The following MYO18B variants were observed in gnomAD, a reference collection of about 807,000 sequenced individuals.
MYO18B encodes the protein unconventional myosin-XVIIIb.
Under a neutral mutation model 273.0 loss-of-function variants are expected in MYO18B, and 204 were observed. The ratio of observed to expected loss-of-function variants is 0.75; its 90% CI spans 0.67 to 0.84. MYO18B has a LOEUF of 0.84. Among genes scored for constraint, MYO18B ranks in the 40% least tolerant of loss-of-function variants. MYO18B has a pLI of 0.00. For missense variants in MYO18B, 3,212 were observed against 3,287.6 expected, an observed-to-expected ratio of 0.98 and a Z score of 0.56; for synonymous variants, 1,330 against 1,305.7, an observed-to-expected ratio of 1.02 and a Z score of -0.40.
chr22:25,946,728 CCTA>C (rs574497399), intron 35 of MYO18B, among the ~76,000 whole-genome samples: 104 of 152,260 alleles, frequency 6.8e-4, no homozygotes, highest in Non-Finnish European at 1.4e-3. Context: ...CTGCTGTGGT[CCTA>C]CTGTGTGCTC....
intron 25 of MYO18B, among the ~76,000 whole-genome samples, chr22:25,887,700 T>A (rs1160755861): frequency 6.6e-6 from 1 of 152,034 alleles, no homozygotes; most frequent in Non-Finnish European, 1.5e-5. Context: ...CTGTGCCCCA[T>A]GGTGTGGGAA....
At chr22:25,851,056 T>G (rs546904372) in intron 20 of MYO18B, among the ~76,000 whole-genome samples, 1 of 152,174 alleles carries the variant, frequency 6.6e-6, no homozygotes, top group African/African-American at 2.4e-5. Flanking sequence ...TAATATGTGT[T>G]AGACAAAACA....
At chr22:25,966,296 C>T (rs964851782) in intron 39 of MYO18B, among the ~76,000 whole-genome samples, 2 of 152,038 alleles carry the variant, frequency 1.3e-5, no homozygotes, top group Admixed American at 1.3e-4. Flanking sequence ...TTTTCCACTC[C>T]CAAACCCCAT....
intron 7 of MYO18B, among the ~76,000 whole-genome samples, chr22:25,776,603 AAAAAAC>A (rs551600658): frequency 0.01 from 1,544 of 152,310 alleles, 30 homozygotes; most frequent in African/African-American, 0.035. Flanking sequence ...GTCTCAAAAC[AAAAAAC>A]AAAAACAAAA....
chr22:25,914,906 C>G (rs1363060886), intron 33 of MYO18B, among the ~76,000 whole-genome samples: 3 of 151,304 alleles, frequency 2.0e-5, no homozygotes, highest in African/African-American at 7.3e-5. Context: ...ACTGTGTTAG[C>G]CAGGATGGTC....
chr22:25,999,817 G>A (rs1322211597), intron 40 of MYO18B, among the ~76,000 whole-genome samples: 3 of 151,796 alleles, frequency 2.0e-5, no homozygotes, highest in South Asian at 2.1e-4. Context: ...CACCACACCC[G>A]ACTAATTTTT....
chr22:25,982,157 A>G (rs1458709837), intron 39 of MYO18B, among the ~76,000 whole-genome samples: 1 of 152,180 alleles, frequency 6.6e-6, no homozygotes, highest in Non-Finnish European at 1.5e-5. Context: ...ATCACCTCCC[A>G]CCAGGCCGGC....
At chr22:25,871,567 C>T (rs369117758) in intron 22 of MYO18B, among the ~76,000 whole-genome samples, 111 of 152,184 alleles carry the variant, frequency 7.3e-4, no homozygotes, top group African/African-American at 2.1e-3. Flanking sequence ...GTTTTGTCCC[C>T]CGTGGATTCC....
chr22:25,917,793 C>G (rs927371479), intron 33 of MYO18B, among the ~76,000 whole-genome samples: 1 of 152,160 alleles, frequency 6.6e-6, no homozygotes, highest in Admixed American at 6.5e-5. Flanking sequence ...TTTCTATGTT[C>G]TCTTTTGACC....
In MYO18B at chr22:26,026,979, G is replaced by A. The variant is rs757714446; in HGVS notation, c.7005G>A (p.Gly2335=). 6.1e-5 allele frequency: 98 copies of A among 1,613,734 alleles called. No individual in the cohort carries two copies. The highest frequency in any genetic ancestry group is 7.5e-5 in the Non-Finnish European group (89 of 1,179,882). ...AATGCATCTCTTCAGACGGTGTTGG[G>A]GGCACAACCCTACTCCCCGAAAAGT... The part of the protein sequence containing the change: ...SLKCISSDGV[G]GTTLLPEKSK... The change falls in exon 43 of 44, where the codon GGG becomes GGA. Residue 2335 remains glycine, a synonymous_variant. Coordinates refer to ENST00000335473, the MANE Select transcript of MYO18B (RefSeq NM_032608.7).
chr22:25,890,694 G>T, intron 25 of MYO18B, 62 bp from the exon 26 acceptor site: 1 of 1,594,114 alleles, frequency 6.3e-7, no homozygotes. Context: ...TGTGCATGGG[G>T]AGAGAAGGGT....
chr22:25,772,261 C>CG (rs911150300), intron 6 of MYO18B, 73 bp from the exon 7 acceptor site: 355 of 1,174,668 alleles, frequency 3.0e-4, no homozygotes, highest in African/African-American at 5.4e-4. Flanking sequence ...TGTTTGGTTG[C>CG]GGGGGGGTGG....
chr22:25,780,256 C>T (rs895654446), intron 9 of MYO18B, 58 bp downstream of exon 9: 22 of 1,542,614 alleles, frequency 1.4e-5, no homozygotes, highest in East Asian at 4.7e-5. Flanking sequence ...TCTCTAACCC[C>T]GGGACTCAGC....
chr22:25,932,135 G>T (rs1052335146), intron 34 of MYO18B, among the ~76,000 whole-genome samples: 2 of 152,124 alleles, frequency 1.3e-5, no homozygotes, highest in Admixed American at 6.5e-5. Context: ...TATTTTGAAA[G>T]AATTTAAAAC....
chr22:25,853,387 C>T (rs537819879), intron 21 of MYO18B, among the ~76,000 whole-genome samples: 5 of 152,218 alleles, frequency 3.3e-5, no homozygotes, highest in Non-Finnish European at 7.3e-5. Flanking sequence ...AAGGCAATGC[C>T]TTCTGCAGGG....
chr22:25,906,185 TATA>T (rs1244497859), intron 31 of MYO18B, among the ~76,000 whole-genome samples: 2 of 152,234 alleles, frequency 1.3e-5, no homozygotes, highest in African/African-American at 2.4e-5. Flanking sequence ...ATTTATTGAT[TATA>T]ATACAACACT....
chr22:25,798,296 C>G (rs2088020765), intron 12 of MYO18B, among the ~76,000 whole-genome samples, 199 bp downstream of exon 12: 1 of 152,154 alleles, frequency 6.6e-6, no homozygotes, highest in African/African-American at 2.4e-5. Context: ...ACCTTCTAGA[C>G]CAGCTCTGTC....
At chr22:25,761,998 C>T (rs2086338220) in intron 2 of MYO18B, among the ~76,000 whole-genome samples, 1 of 152,100 alleles carries the variant, frequency 6.6e-6, no homozygotes, top group African/African-American at 2.4e-5. Context: ...TGGTGTGTGC[C>T]TGTCATCCCA....
chr22:25,998,986 G>A (rs970660866), intron 40 of MYO18B, among the ~76,000 whole-genome samples: 2 of 152,220 alleles, frequency 1.3e-5, no homozygotes, highest in South Asian at 2.1e-4. Context: ...CCAGCATTAC[G>A]GGAAATAATG....
Sources: gnomAD v4.1 joint callset for allele counts (sites outside exome capture counted in the v4.1 genomes callset) on GRCh38, gnomAD v4.1.1 for gene constraint, MANE v1.5 for transcripts, NCBI Gene and HGNC (gene_info 2026-07-23, HGNC 2026-07-21) for gene names.